The following OLFM3 variants were observed in gnomAD, a reference collection of about 807,000 sequenced individuals.
OLFM3 encodes noelin-3.
A neutral mutation model predicts 48.6 loss-of-function variants in OLFM3; 20 were observed. The ratio of observed to expected loss-of-function variants is 0.41; its 90% CI spans 0.29 to 0.60. The LOEUF (loss-of-function observed/expected upper bound fraction) is 0.60, where lower values mean the gene tolerates loss of function less well. Among genes scored for constraint, OLFM3 ranks in the 20% least tolerant of loss-of-function variants. OLFM3 has a pLI of 0.28. For synonymous variants in OLFM3, 222 were observed against 198.1 expected (o/e 1.12, Z -1.01); for missense variants, 437 against 544.3 (o/e 0.80, Z 1.96).
At chr1:101,982,049 A>G (rs551634252) in intron 1 of OLFM3, among the ~76,000 whole-genome samples, 29 of 152,334 alleles carry the variant, frequency 1.9e-4, no homozygotes, top group African/African-American at 7.0e-4. Context: ...AAAATGTTTT[A>G]GGTTATGCTA....
intron 1 of OLFM3, among the ~76,000 whole-genome samples, chr1:101,839,327 C>G (rs1248656137): frequency 6.6e-6 from 1 of 152,100 alleles, no homozygotes; most frequent in Non-Finnish European, 1.5e-5. Flanking sequence ...TTAGAGATTA[C>G]TGGGTTAGTC....
intron 1 of OLFM3, among the ~76,000 whole-genome samples, chr1:101,889,300 A>C (rs1227045384): frequency 1.1e-4 from 16 of 152,130 alleles, no homozygotes; most frequent in East Asian, 3.9e-4. Flanking sequence ...GGCACATATA[A>C]ACCATGGAAT....
intron 1 of OLFM3, among the ~76,000 whole-genome samples, chr1:101,847,982 C>T (rs1198649907): frequency 6.6e-6 from 1 of 152,092 alleles, no homozygotes; most frequent in Admixed American, 6.6e-5. Flanking sequence ...GGAAAATATG[C>T]TCTCCAAGGT....
At chr1:101,863,703 A>G (rs939543961) in intron 1 of OLFM3, among the ~76,000 whole-genome samples, 30 of 152,314 alleles carry the variant, frequency 2.0e-4, no homozygotes, top group Middle Eastern at 3.4e-3. Flanking sequence ...TATTTTTTTC[A>G]TGAAGAATTG....
intron 1 of OLFM3, among the ~76,000 whole-genome samples, chr1:101,913,717 A>G (rs1225241126): frequency 6.6e-6 from 1 of 152,062 alleles, no homozygotes; most frequent in Non-Finnish European, 1.5e-5. Flanking sequence ...TCACTATTCA[A>G]CTGTCAAAAA....
intron 1 of OLFM3, among the ~76,000 whole-genome samples, chr1:101,952,994 A>G (rs1370477459): frequency 6.6e-6 from 1 of 152,134 alleles, no homozygotes; most frequent in Admixed American, 6.5e-5. Flanking sequence ...GTTTTATTCT[A>G]CCTTTAAGTT....
chr1:101,818,870 A>G (rs977829237), intron 4 of OLFM3, among the ~76,000 whole-genome samples: 3 of 152,148 alleles, frequency 2.0e-5, no homozygotes, highest in Non-Finnish European at 4.4e-5. Context: ...TTACAAATCA[A>G]ATTTGCTCTT....
At chr1:101,995,557 G>T (rs1661533929) in intron 1 of OLFM3, among the ~76,000 whole-genome samples, 1 of 151,986 alleles carries the variant, frequency 6.6e-6, no homozygotes, top group Admixed American at 6.6e-5. Context: ...AAAGAGTACA[G>T]AAATAATTAC....
chr1:101,991,016 A>AATATATATATATATATAT (rs1215588189), intron 1 of OLFM3, among the ~76,000 whole-genome samples: 6 of 32,218 alleles, frequency 1.9e-4, no homozygotes, highest in African/African-American at 1.0e-3. Flanking sequence ...AAAAAAAAAA[A>AATATATATATATATATAT]ATATATATAT....
At chr1:101,864,082 C>T (rs1007000347) in intron 1 of OLFM3, among the ~76,000 whole-genome samples, 1 of 152,126 alleles carries the variant, frequency 6.6e-6, no homozygotes, top group Non-Finnish European at 1.5e-5. Flanking sequence ...ATTTAGCCCA[C>T]TCACCCTTCT....
intron 3 of OLFM3, among the ~76,000 whole-genome samples, chr1:101,826,001 C>T (rs904790614): frequency 5.9e-5 from 9 of 152,074 alleles, no homozygotes; most frequent in African/African-American, 2.2e-4. Flanking sequence ...ATTTAAAGGT[C>T]GTTATGTATG....
At chr1:101,929,510 C>T (rs146310668) in intron 1 of OLFM3, among the ~76,000 whole-genome samples, 145 of 152,160 alleles carry the variant, frequency 9.5e-4, no homozygotes, top group African/African-American at 3.3e-3. Context: ...CTCTATCTCT[C>T]GGGCTCCAGG....
intron 4 of OLFM3, chr1:101,812,616 T>C (rs914998631): frequency 1.0e-4 from 103 of 985,514 alleles, no homozygotes; most frequent in Non-Finnish European, 1.2e-4. Context: ...AGCACATCAC[T>C]GGCTTGGGGT....
chr1:101,877,762 T>C (rs1336477419), intron 1 of OLFM3, among the ~76,000 whole-genome samples: 4 of 151,898 alleles, frequency 2.6e-5, no homozygotes, highest in Non-Finnish European at 4.4e-5. Flanking sequence ...GTCACTTAGA[T>C]GTTAACATTG....
intron 1 of OLFM3, among the ~76,000 whole-genome samples, chr1:101,959,584 T>C (rs1217521061): frequency 6.6e-6 from 1 of 152,126 alleles, no homozygotes; most frequent in Non-Finnish European, 1.5e-5. Context: ...AAATTAGTCT[T>C]AGAGAGATCT....
chr1:101,813,552 G>T (rs532768174), intron 4 of OLFM3, among the ~76,000 whole-genome samples: 1 of 152,260 alleles, frequency 6.6e-6, no homozygotes, highest in Non-Finnish European at 1.5e-5. Flanking sequence ...CTGTACGATG[G>T]AAACTTATCC....
At chr1:101,940,820 C>T (rs894288056) in intron 1 of OLFM3, among the ~76,000 whole-genome samples, 6 of 151,080 alleles carry the variant, frequency 4.0e-5, no homozygotes, top group African/African-American at 1.5e-4. Flanking sequence ...TAGCTATATC[C>T]AAATACATAT....
intron 1 of OLFM3, among the ~76,000 whole-genome samples, chr1:101,903,642 A>G (rs574221605): frequency 6.6e-6 from 1 of 152,120 alleles, no homozygotes; most frequent in East Asian, 1.9e-4. Context: ...ACACTTAAGA[A>G]CTGCTTGTTT....
intron 1 of OLFM3, among the ~76,000 whole-genome samples, chr1:101,862,089 A>T (rs1232699984): frequency 6.6e-6 from 1 of 152,204 alleles, no homozygotes; most frequent in Non-Finnish European, 1.5e-5. Flanking sequence ...CAGAGTTAAG[A>T]AGTGGACTCT....
Sources: allele counts gnomAD v4.1 joint callset (sites outside exome capture counted in the v4.1 genomes callset), GRCh38; gene constraint gnomAD v4.1.1; transcripts MANE v1.5; gene names NCBI Gene and HGNC (gene_info 2026-07-23, HGNC 2026-07-21).